TAF3: variants seen among roughly 807,000 people sequenced by gnomAD.
TAF3 encodes the protein TATA-box binding protein associated factor 3.
TAF3 carries 7 observed loss-of-function variants against 80.6 expected under a neutral mutation model. The ratio of observed to expected loss-of-function variants is 0.09; its 90% CI spans 0.05 to 0.16. TAF3 has a LOEUF of 0.16. TAF3 is among the 10% of genes least tolerant of loss of function. TAF3 has a pLI of 1.00. For synonymous variants in TAF3, 444 were observed against 446.1 expected (o/e 1.00, Z 0.06); for missense variants, 921 against 1,140.2 (o/e 0.81, Z 2.77).
At chr10:7,848,581 C>A (rs1488490199) in intron 2 of TAF3, among the ~76,000 whole-genome samples, 1 of 152,098 alleles carries the variant, frequency 6.6e-6, no homozygotes, top group East Asian at 1.9e-4. Flanking sequence ...GCTAGATATC[C>A]TGTTGCAAAT....
chr10:7,880,755 C>T (rs989852936), intron 2 of TAF3, among the ~76,000 whole-genome samples: 5 of 152,074 alleles, frequency 3.3e-5, no homozygotes, highest in African/African-American at 9.7e-5. Flanking sequence ...GATTCAACTC[C>T]TTACCTACTC....
intron 2 of TAF3, among the ~76,000 whole-genome samples, chr10:7,857,383 C>T (rs1442878030): frequency 2.0e-5 from 3 of 152,218 alleles, no homozygotes; most frequent in Non-Finnish European, 4.4e-5. Context: ...CTTCCCACTG[C>T]CCCCTTAAAC....
intron 2 of TAF3, among the ~76,000 whole-genome samples, chr10:7,926,183 A>T (rs1837813959): frequency 6.6e-6 from 1 of 152,212 alleles, no homozygotes; most frequent in Non-Finnish European, 1.5e-5. Context: ...GTGTTTTTTG[A>T]ATGACCTAAA....
chr10:7,819,246 C>T (rs1836665159), intron 1 of TAF3, among the ~76,000 whole-genome samples: 1 of 152,024 alleles, frequency 6.6e-6, no homozygotes, highest in South Asian at 2.1e-4. Context: ...CCTTTTTCTC[C>T]CTTGCCCGCA....
At chr10:7,877,532 A>T (rs1283219928) in intron 2 of TAF3, among the ~76,000 whole-genome samples, 1 of 152,228 alleles carries the variant, frequency 6.6e-6, no homozygotes, top group Non-Finnish European at 1.5e-5. Context: ...AATATTTAGA[A>T]TATGAATAAG....
Position 7,964,472 on chromosome 10 carries a change from C to A in TAF3, c.962C>A (p.Pro321His), listed in dbSNP as rs778952496. The A allele has an allele frequency of 1.2e-6, 2 of 1,613,572 alleles. No homozygotes were observed. The highest frequency in any genetic ancestry group is 1.7e-6 in the Non-Finnish European group (2 of 1,179,886). The change falls in exon 3 of 7, where the codon CCC (proline) becomes CAC (histidine). Residue 321 changes from proline to histidine, a missense_variant. Pro to His is a moderately conservative substitution (Grantham distance 77, BLOSUM62 -2). This residue lies in a region of TAF3 where 743 missense variants were observed against 821.0 expected (regional missense o/e 0.90). Coordinates refer to ENST00000344293, the MANE Select transcript of TAF3 (RefSeq NM_031923.4). The surrounding 1 kb of genome is among the most constrained non-coding windows in gnomAD (Gnocchi z 4.1). ...SPGRSKSPKS[P>H]KSPKVTTHIP... Reference sequence around the variant, plus strand: ...GGACGTTCCAAGAGCCCCAAGAGTCCCAAGAGCCCCAAGGTCACGACTCAC... The same window carrying A: ...GGACGTTCCAAGAGCCCCAAGAGTCACAAGAGCCCCAAGGTCACGACTCAC...
chr10:7,932,974 C>T (rs1465934439), intron 2 of TAF3, among the ~76,000 whole-genome samples: 1 of 151,910 alleles, frequency 6.6e-6, no homozygotes, highest in Non-Finnish European at 1.5e-5. Flanking sequence ...ACCTCTGTGC[C>T]CAGCCTGTGT....
chr10:7,855,336 C>T (rs905181810), intron 2 of TAF3, among the ~76,000 whole-genome samples: 7 of 152,166 alleles, frequency 4.6e-5, no homozygotes, highest in Non-Finnish European at 7.3e-5. Flanking sequence ...AAGGGCCAAA[C>T]AAAGGGACCG....
At chr10:7,889,624 G>T (rs575905246) in intron 2 of TAF3, among the ~76,000 whole-genome samples, 1 of 152,152 alleles carries the variant, frequency 6.6e-6, no homozygotes, top group Non-Finnish European at 1.5e-5. Context: ...GTGAGGTCCA[G>T]ACTCATATTC....
At chr10:7,983,844 C>CAATAAATAAATAAATAAATA (rs113211341) in intron 4 of TAF3, among the ~76,000 whole-genome samples, 5 of 150,586 alleles carry the variant, frequency 3.3e-5, no homozygotes, top group African/African-American at 9.8e-5. Flanking sequence ...GTCTCTAAAA[C>CAATAAATAAATAAATAAATA]AATAAATAAA....
rs192142536 is a variant in TAF3 at position 7,856,346 on chromosome 10, C to T, written c.409+31786C>T. Among the ~76,000 whole-genome samples, 473 of 151,926 alleles carry T rather than the reference C, an allele frequency of 3.1e-3. 1 individual carries two copies. Among genetic ancestry groups the T allele is most frequent in the Non-Finnish European group, 5.4e-3 (368 of 67,930 alleles). ...CAAAAATTAGCCAGGAGTGGTGGTG[C>T]GTGTGTACCTGTAATCCCAGCTACT... On this transcript the variant is annotated intron_variant, in intron 2 of 6. Transcript: ENST00000344293.
Position 7,818,808 on chromosome 10 carries a change from C to T in TAF3, c.99C>T (p.Leu33=), listed in dbSNP as rs1407349617. 3 of 1,571,070 alleles carry T rather than the reference C, an allele frequency of 1.9e-6. No individual in the cohort carries two copies. Among genetic ancestry groups the T allele is most frequent in the East Asian group, 2.3e-5 (1 of 42,642 alleles). The change falls in exon 1 of 7, where the codon CTC becomes CTT. Residue 33 remains leucine (L), a synonymous_variant. Coordinates refer to ENST00000344293, the MANE Select transcript of TAF3 (RefSeq NM_031923.4). ...CGGTGCAGCTCAGCGCCTGCCACCT[C>T]CTCACGGACGTGCTGCAGCGCTATC... ...WDSVQLSACH[L]LTDVLQRYLQ...
At chr10:7,965,797 A>T in intron 3 of TAF3, 55 bp downstream of exon 3, 1 of 1,430,680 alleles carries the variant, frequency 7.0e-7, no homozygotes, top group South Asian at 1.9e-5. Flanking sequence ...TGAGAAACAC[A>T]GGTAAACAAA....
At chr10:7,978,601 A>T (rs978883593) in intron 4 of TAF3, among the ~76,000 whole-genome samples, 1 of 152,164 alleles carries the variant, frequency 6.6e-6, no homozygotes, top group Middle Eastern at 3.2e-3. Context: ...TGGTATACCT[A>T]ATGCCCCTAT....
chr10:7,905,607 C>A (rs1429063480), intron 2 of TAF3, among the ~76,000 whole-genome samples: 1 of 152,190 alleles, frequency 6.6e-6, no homozygotes, highest in African/African-American at 2.4e-5. Flanking sequence ...CAGGGCCAGG[C>A]GCGGTGGCTC....
chr10:7,847,790 A>T (rs1351116159), intron 2 of TAF3, among the ~76,000 whole-genome samples: 1 of 151,546 alleles, frequency 6.6e-6, no homozygotes, highest in Non-Finnish European at 1.5e-5. Flanking sequence ...ATTTTGAGAC[A>T]AGAGTTTCGC....
intron 2 of TAF3, among the ~76,000 whole-genome samples, chr10:7,836,434 C>A (rs1054634881): frequency 3.3e-5 from 5 of 152,060 alleles, no homozygotes; most frequent in African/African-American, 1.2e-4. Flanking sequence ...GCTACCAAGC[C>A]CAGCTAATTT....
At chr10:7,931,546 C>T (rs1837869362) in intron 2 of TAF3, among the ~76,000 whole-genome samples, 1 of 152,160 alleles carries the variant, frequency 6.6e-6, no homozygotes, top group Admixed American at 6.5e-5. Flanking sequence ...ACACTTCTGA[C>T]ATAATGAAAC....
At position 7,892,111 on chromosome 10, in the gene TAF3, A is replaced by C. The variant is rs556702609; in HGVS notation, c.409+67551A>C. Among the ~76,000 whole-genome samples, 3 of 152,358 alleles carry C rather than the reference A, an allele frequency of 2.0e-5. No homozygotes were observed. The South Asian group carries it at 6.2e-4, about 32-fold the overall frequency. On this transcript the variant is annotated intron_variant, in intron 2 of 6. Coordinates refer to ENST00000344293, the MANE Select transcript of TAF3 (RefSeq NM_031923.4). ...TTATTGAGTAATTAGTGTATTTACA[A>C]CTTTATGCATTACAAAATTCAGATG...
Sources: gnomAD v4.1 joint callset for allele counts (sites outside exome capture counted in the v4.1 genomes callset) on GRCh38, gnomAD v4.1.1 for gene constraint, gnomAD v4.1.1 regional missense constraint, Gnocchi (gnomAD v3.1) non-coding constraint, MANE v1.5 for transcripts, NCBI Gene and HGNC (gene_info 2026-07-23, HGNC 2026-07-21) for gene names.